BAZ2B: variants seen among roughly 807,000 people sequenced by gnomAD.
BAZ2B encodes bromodomain adjacent to zinc finger domain protein 2B.
BAZ2B carries 91 observed loss-of-function variants against 246.0 expected under a neutral mutation model. That is an observed-to-expected ratio of 0.37 (90% confidence interval 0.31 to 0.44). The LOEUF is 0.44. BAZ2B is among the 20% of genes least tolerant of loss of function. The probability of loss-of-function intolerance (pLI) is 1.00; values close to 1 mark genes in which losing one functional copy is unlikely to be tolerated. For synonymous variants in BAZ2B, 855 were observed against 860.0 expected (o/e 0.99, Z 0.10); for missense variants, 2,332 against 2,533.7 (o/e 0.92, Z 1.71).
chr2:159,704,927 C>T, the BAZ2B span, among the ~76,000 whole-genome samples: 5 of 151,942 alleles, frequency 3.3e-5, no homozygotes, highest in Admixed American at 6.6e-5. Context: ...TGGTCTTGAT[C>T]TCCTGACCTC....
downstream of BAZ2B, among the ~76,000 whole-genome samples, chr2:159,317,068 A>G (rs910628295): frequency 1.3e-5 from 2 of 152,216 alleles, no homozygotes; most frequent in African/African-American, 4.8e-5. Context: ...TTGAAATAAA[A>G]TTCTTTTAGG....
At chr2:159,441,017 T>C (rs1256158832) in intron 6 of BAZ2B, among the ~76,000 whole-genome samples, 1 of 151,996 alleles carries the variant, frequency 6.6e-6, no homozygotes, top group Non-Finnish European at 1.5e-5. Context: ...TAAAGGAAAA[T>C]AATAATATAT....
Position 159,462,863 on chromosome 2 carries a change from A to G in BAZ2B, c.146-9062T>C, listed in dbSNP as rs188574023. Reference sequence around the variant, plus strand: ...AGCCGTTGGAATAATGGTCTTTCACATAGGCTCTTAAAGCACTGTCACAGG... The same window carrying G: ...AGCCGTTGGAATAATGGTCTTTCACGTAGGCTCTTAAAGCACTGTCACAGG... On this transcript the variant is annotated intron_variant, in intron 3 of 36. Coordinates refer to ENST00000392783, the MANE Select transcript of BAZ2B (RefSeq NM_013450.4). 11 of 1,602,170 alleles carry G rather than the reference A, an allele frequency of 6.9e-6. No individual in the cohort carries two copies. The African/African-American group carries it at 9.4e-5, about 14-fold the overall frequency.
rs2083450601 is a variant in BAZ2B at position 159,516,420 on chromosome 2, CCCAAGGGTCAGCATATGTCTTTTAT to C, written c.-2-37724_-2-37700del. The C allele has an allele frequency of 5.3e-5, 8 of 152,274 alleles. No individual in the cohort carries two copies. In the South Asian group the frequency reaches 1.7e-3, roughly 32 times the overall value. The allele number at this position is 152,274 out of a possible 1,614,324, so 9.4% of individuals were successfully genotyped here. ...ACTATTGTGTCCTAGCTTTGCTGAC[CCCAAGGGTCAGCATATGTCTTTTAT>C]CAAAAGCTATCATGAAAACATAATC... On this transcript the variant is annotated intron_variant, in intron 2 of 36. Transcript: ENST00000392783.
At chr2:159,347,435 T>C in intron 31 of BAZ2B, 51 bp downstream of exon 31, 2 of 1,547,244 alleles carry the variant, frequency 1.3e-6, no homozygotes, top group South Asian at 2.2e-5. Context: ...TAATAAACAT[T>C]AGTTATCTTC....
chr2:159,385,768 T>C (rs917585932), intron 22 of BAZ2B, among the ~76,000 whole-genome samples: 5 of 152,120 alleles, frequency 3.3e-5, no homozygotes, highest in African/African-American at 9.7e-5. Flanking sequence ...TAAAGTGTTA[T>C]AGGTTTTACT....
At chr2:159,409,762 C>T (rs2066533521) in intron 14 of BAZ2B, among the ~76,000 whole-genome samples, 1 of 152,096 alleles carries the variant, frequency 6.6e-6, no homozygotes, top group African/African-American at 2.4e-5. Context: ...ACTCCATACA[C>T]TTGTAAATAT....
chr2:159,571,221 C>T (rs147382517), intron 1 of BAZ2B, among the ~76,000 whole-genome samples: 281 of 152,174 alleles, frequency 1.8e-3, no homozygotes, highest in Non-Finnish European at 3.1e-3. Flanking sequence ...ATGTCTGATA[C>T]TGATGGGGTT....
intron 1 of BAZ2B, among the ~76,000 whole-genome samples, chr2:159,612,430 C>T (rs1049873589): frequency 7.9e-5 from 12 of 152,052 alleles, no homozygotes; most frequent in African/African-American, 1.4e-4. Flanking sequence ...AACTTGATGA[C>T]GTAATTCCTC....
rs532499807 is a variant in BAZ2B at position 159,412,694 on chromosome 2, C to T, written c.2467-149G>A. 3 of 711,030 alleles carry T rather than the reference C, an allele frequency of 4.2e-6. No individual in the cohort carries two copies. The South Asian group carries it at 6.4e-5, about 15-fold the overall frequency. The allele number at this position is 711,030 out of a possible 1,614,324, so 44.0% of individuals were successfully genotyped here. A position where few individuals can be genotyped will look rare whatever the true frequency, so the allele number is the denominator to read the frequency against. ...TTAGGAATTTCATTTTTAAATTAAA[C>T]TTAGATGTATAATTATTCATGGCCT... On this transcript the variant is annotated intron_variant, in intron 13 of 36. Coordinates refer to ENST00000392783, the MANE Select transcript of BAZ2B (RefSeq NM_013450.4).
At chr2:159,488,495 T>C (rs2080089757) in intron 2 of BAZ2B, among the ~76,000 whole-genome samples, 1 of 152,142 alleles carries the variant, frequency 6.6e-6, no homozygotes, top group South Asian at 2.1e-4. Flanking sequence ...TATCACATAA[T>C]ATATGCCATG....
intron 2 of BAZ2B, among the ~76,000 whole-genome samples, chr2:159,490,148 C>G (rs2080282471): frequency 6.6e-6 from 1 of 152,058 alleles, no homozygotes; most frequent in South Asian, 2.1e-4. Flanking sequence ...ATAGCAAAAT[C>G]ATGCTTTAAT....
intron 33 of BAZ2B, 110 bp downstream of exon 33, chr2:159,336,832 A>T (rs1048456742): frequency 1.0e-4 from 98 of 964,638 alleles, no homozygotes; most frequent in Non-Finnish European, 1.4e-4. Flanking sequence ...TCTCAAGTAT[A>T]GCATACATTA....
At chr2:159,416,923 G>A (rs1328283556) in intron 13 of BAZ2B, among the ~76,000 whole-genome samples, 2 of 152,076 alleles carry the variant, frequency 1.3e-5, no homozygotes, top group Non-Finnish European at 2.9e-5. Context: ...GTGAGAACAA[G>A]TAGTATTTTT....
intron 1 of BAZ2B, among the ~76,000 whole-genome samples, chr2:159,587,245 A>T (rs1431109692): frequency 6.6e-6 from 1 of 151,508 alleles, no homozygotes; most frequent in Admixed American, 6.6e-5. Flanking sequence ...CGCCTGGCTA[A>T]TTTTTTTTGT....
chr2:159,618,107 T>C (rs1287221195), upstream of BAZ2B, among the ~76,000 whole-genome samples: 7 of 152,238 alleles, frequency 4.6e-5, no homozygotes, highest in South Asian at 1.0e-3. Context: ...CTAGCACTTA[T>C]TGATTTTTTT....
intron 3 of BAZ2B, among the ~76,000 whole-genome samples, chr2:159,457,741 C>A (rs1419227836): frequency 1.3e-5 from 2 of 152,102 alleles, no homozygotes; most frequent in Non-Finnish European, 2.9e-5. Flanking sequence ...CACCTCCAGC[C>A]CCTCCCAGGG....
At chr2:159,582,585 A>G (rs1298537658) in intron 1 of BAZ2B, among the ~76,000 whole-genome samples, 1 of 152,184 alleles carries the variant, frequency 6.6e-6, no homozygotes, top group East Asian at 1.9e-4. Context: ...GGGTCCCACT[A>G]TGTTGCCCAG....
intron 2 of BAZ2B, among the ~76,000 whole-genome samples, chr2:159,525,683 C>T (rs1471185798): frequency 6.6e-6 from 1 of 152,104 alleles, no homozygotes; most frequent in South Asian, 2.1e-4. Context: ...AAGGAATACT[C>T]AACCTGTACC....
Sources: gnomAD v4.1 joint callset for allele counts (sites outside exome capture counted in the v4.1 genomes callset) on GRCh38, gnomAD v4.1.1 for gene constraint, MANE v1.5 for transcripts, NCBI Gene and HGNC (gene_info 2026-07-23, HGNC 2026-07-21) for gene names.